Variants in RAPGEF6 observed in about 807,000 individuals in gnomAD.
RAPGEF6 encodes the protein PDZ domain containing guanine nucleotide exchange factor (GEF) 2.
RAPGEF6 carries 56 observed loss-of-function variants against 171.4 expected under a neutral mutation model. The observed-to-expected ratio is 0.33, with a 90% confidence interval of 0.26 to 0.41. The LOEUF is 0.41. Ranked by LOEUF, RAPGEF6 falls within the 10% of genes least tolerant of loss-of-function variation. The pLI, the probability that RAPGEF6 is intolerant of heterozygous loss-of-function variation, is 1.00. For synonymous variants in RAPGEF6, 692 were observed against 650.1 expected, an observed-to-expected ratio of 1.06 and a Z score of -0.98; for missense variants, 1,674 against 1,921.4, an observed-to-expected ratio of 0.87 and a Z score of 2.41.
At chr5:131,497,343 C>T (rs75493268) in intron 12 of RAPGEF6, among the ~76,000 whole-genome samples, 4,886 of 152,152 alleles carry the variant, frequency 0.032, 250 homozygotes, top group African/African-American at 0.11. Flanking sequence ...TCCTTTGATG[C>T]AAAAATAATT....
At chr5:131,618,128 TG>T (rs1267990105) in intron 1 of RAPGEF6, among the ~76,000 whole-genome samples, 1 of 152,132 alleles carries the variant, frequency 6.6e-6, no homozygotes, top group Non-Finnish European at 1.5e-5. Context: ...TAAAGACTAA[TG>T]GGGTCACATC....
intron 1 of RAPGEF6, among the ~76,000 whole-genome samples, chr5:131,632,096 AG>A (rs1416764720): frequency 1.3e-5 from 2 of 148,688 alleles, no homozygotes; most frequent in Non-Finnish European, 1.5e-5. Context: ...AAAAAAAAAA[AG>A]GTTAAGTAGG....
intron 10 of RAPGEF6, among the ~76,000 whole-genome samples, chr5:131,505,089 CT>C (rs139194563): frequency 0.075 from 10,709 of 143,184 alleles, 846 homozygotes; most frequent in African/African-American, 0.21. Context: ...TATTTCTTTC[CT>C]TTTTTTTTTT....
At chr5:131,462,557 A>C (rs1754008978) in intron 18 of RAPGEF6, among the ~76,000 whole-genome samples, 1 of 152,236 alleles carries the variant, frequency 6.6e-6, no homozygotes, top group African/African-American at 2.4e-5. Flanking sequence ...TTTCCAAGTG[A>C]AGCAAGAGGA....
rs1418146098 is a variant in RAPGEF6, at chr5:131,564,572, C to T, written c.282-2525G>A. ...CCTAAAGAGATGCAAAAGCTGGAACCCAGTGACATAAAATTCATGATGACA... is the reference window on the plus strand; with the variant it reads ...CCTAAAGAGATGCAAAAGCTGGAACTCAGTGACATAAAATTCATGATGACA... On this transcript the variant is annotated intron_variant, in intron 4 of 27. Coordinates refer to ENST00000509018, the MANE Select transcript of RAPGEF6 (RefSeq NM_016340.6). Among the ~76,000 whole-genome samples, 5 of 152,094 alleles carry T rather than the reference C, an allele frequency of 3.3e-5. No individual in the cohort carries two copies. The East Asian group carries it at 9.7e-4, about 29-fold the overall frequency.
intron 3 of RAPGEF6, among the ~76,000 whole-genome samples, chr5:131,599,364 CAAAA>C (rs1459371727): frequency 6.6e-6 from 1 of 151,906 alleles, no homozygotes; most frequent in Non-Finnish European, 1.5e-5. Context: ...AACGAACAAA[CAAAA>C]AAACTCAAAC....
chr5:131,567,931 A>G (rs1348649415), intron 4 of RAPGEF6, among the ~76,000 whole-genome samples: 1 of 152,236 alleles, frequency 6.6e-6, no homozygotes, highest in African/African-American at 2.4e-5. Flanking sequence ...AATCCTTTTA[A>G]CACTACGAAA....
chr5:131,452,461 T>C (rs537978171), intron 21 of RAPGEF6, among the ~76,000 whole-genome samples: 1 of 152,186 alleles, frequency 6.6e-6, no homozygotes, highest in Admixed American at 6.5e-5. Flanking sequence ...CACAGTATAA[T>C]TTGAGAAAAA....
At chr5:131,520,630 A>C (rs1278687230) in intron 7 of RAPGEF6, among the ~76,000 whole-genome samples, 1 of 152,168 alleles carries the variant, frequency 6.6e-6, no homozygotes, top group Non-Finnish European at 1.5e-5. Context: ...TTTTATTTAA[A>C]CTGTTTTATG....
intron 4 of RAPGEF6, among the ~76,000 whole-genome samples, chr5:131,592,083 C>T (rs918450738): frequency 5.3e-5 from 8 of 151,998 alleles, no homozygotes; most frequent in African/African-American, 1.2e-4. Flanking sequence ...CTCGAACTCC[C>T]GACCTCAGGT....
chr5:131,558,541 C>T (rs141611469), intron 5 of RAPGEF6, among the ~76,000 whole-genome samples: 4 of 152,078 alleles, frequency 2.6e-5, no homozygotes, highest in African/African-American at 9.7e-5. Flanking sequence ...TCATATGCTG[C>T]TCTTTAATTT....
chr5:131,579,248 G>A (rs962756529), intron 4 of RAPGEF6, among the ~76,000 whole-genome samples: 3 of 152,150 alleles, frequency 2.0e-5, no homozygotes, highest in Non-Finnish European at 2.9e-5. Context: ...AGACCTTCCC[G>A]GTGAGTGTTA....
At chr5:131,496,825 C>T (rs1371606371) in intron 12 of RAPGEF6, among the ~76,000 whole-genome samples, 2 of 152,158 alleles carry the variant, frequency 1.3e-5, no homozygotes, top group Non-Finnish European at 2.9e-5. Flanking sequence ...GTCAAGTTTT[C>T]GTTTGCACAC....
intron 4 of RAPGEF6, among the ~76,000 whole-genome samples, chr5:131,575,721 C>T (rs910223519): frequency 6.6e-6 from 1 of 152,346 alleles, no homozygotes; most frequent in Non-Finnish European, 1.5e-5. Flanking sequence ...ACAGCTCCCA[C>T]ATTAGCACTC....
At chr5:131,479,859 T>G in intron 15 of RAPGEF6, 106 bp from the exon 16 acceptor site, 1 of 1,187,322 alleles carries the variant, frequency 8.4e-7, no homozygotes, top group Non-Finnish European at 1.2e-6. Context: ...TTATTTGAAC[T>G]TTCTCAGTCT....
chr5:131,608,927 AC>A (rs1469283300), intron 1 of RAPGEF6, among the ~76,000 whole-genome samples: 1 of 151,804 alleles, frequency 6.6e-6, no homozygotes, highest in Non-Finnish European at 1.5e-5. Context: ...CATGCACACA[AC>A]ACCATGCCCA....
intron 21 of RAPGEF6, among the ~76,000 whole-genome samples, chr5:131,450,368 T>C (rs1245534891): frequency 6.6e-6 from 1 of 152,186 alleles, no homozygotes; most frequent in African/African-American, 2.4e-5. Context: ...AATATAAATT[T>C]TGAATTCAAA....
chr5:131,532,241 CA>C (rs1759438422), intron 6 of RAPGEF6: 1 of 384,750 alleles, frequency 2.6e-6, no homozygotes. Flanking sequence ...TTTCTTTTTA[CA>C]AATCATACAC....
intron 4 of RAPGEF6, among the ~76,000 whole-genome samples, chr5:131,586,955 G>C (rs1273578042): frequency 2.0e-5 from 3 of 152,324 alleles, no homozygotes; most frequent in East Asian, 1.9e-4. Flanking sequence ...AGCACACACA[G>C]GGGTGGAGCC....
Sources: gnomAD v4.1 joint callset for allele counts (sites outside exome capture counted in the v4.1 genomes callset) on GRCh38, gnomAD v4.1.1 for gene constraint, MANE v1.5 for transcripts, NCBI Gene and HGNC (gene_info 2026-07-23, HGNC 2026-07-21) for gene names.